SMYD4: variants seen among roughly 807,000 people sequenced by gnomAD.
SMYD4 encodes protein-lysine N-methyltransferase SMYD4.
A neutral mutation model predicts 72.8 loss-of-function variants in SMYD4; 68 were observed. The observed-to-expected ratio is 0.93, with a 90% CI of 0.77 to 1.14. The LOEUF (loss-of-function observed/expected upper bound fraction) is 1.14, where lower values mean the gene tolerates loss of function less well. SMYD4 is among the 50% of genes most tolerant of loss of function. The pLI, the probability that SMYD4 is intolerant of heterozygous loss-of-function variation, is 0.00. For synonymous variants in SMYD4, 407 were observed against 388.6 expected, an observed-to-expected ratio of 1.05 and a Z score of -0.56; for missense variants, 984 against 1,003.7, an observed-to-expected ratio of 0.98 and a Z score of 0.27.
chr17:1,783,240 G>A lies in SMYD4; in HGVS notation c.2138-82C>T, dbSNP rs116051200. The A allele has an allele frequency of 1.8e-3, 2,892 of 1,611,730 alleles. 39 individuals carry two copies. The highest frequency in any genetic ancestry group is 0.011 in the African/African-American group (793 of 74,970). ...TATTTTCAGGGGGAGGAAATGGAAC[G>A]AGAGGGGGAGCACCCTCAGTTTACA... On this transcript the variant is annotated intron_variant, in intron 9 of 10. Coordinates refer to ENST00000305513, the MANE Select transcript of SMYD4 (RefSeq NM_052928.3).
At chr17:1,794,213 C>G (rs1597374511) in intron 5 of SMYD4, among the ~76,000 whole-genome samples, 1 of 136,008 alleles carries the variant, frequency 7.4e-6, no homozygotes, top group East Asian at 2.2e-4. Flanking sequence ...AGGTTCACGC[C>G]AGTCTCCTGC....
At chr17:1,803,118 G>A (rs538185184) in intron 4 of SMYD4, among the ~76,000 whole-genome samples, 2 of 152,314 alleles carry the variant, frequency 1.3e-5, no homozygotes, top group East Asian at 3.9e-4. Flanking sequence ...CTGACGCCTG[G>A]GCGACAGAGC....
At chr17:1,813,057 C>A (rs1470815800) in intron 2 of SMYD4, among the ~76,000 whole-genome samples, 3 of 152,104 alleles carry the variant, frequency 2.0e-5, no homozygotes, top group African/African-American at 7.2e-5. Context: ...TCCTGCCTCA[C>A]CCTCCCGAGT....
intron 3 of SMYD4, among the ~76,000 whole-genome samples, chr17:1,811,120 C>A (rs1910308750): frequency 6.6e-6 from 1 of 152,208 alleles, no homozygotes. Context: ...TAAAAGAGCA[C>A]CCTGTAACAC....
intron 7 of SMYD4, 63 bp downstream of exon 7, chr17:1,786,747 G>C: frequency 9.4e-6 from 15 of 1,599,276 alleles, no homozygotes; most frequent in Non-Finnish European, 1.3e-5. Flanking sequence ...CCTAAACACT[G>C]ATCACCCTTG....
chr17:1,794,077 ATG>A lies in SMYD4; in HGVS notation c.1537+5778_1537+5779del, dbSNP rs1226059890. ...TGTGTGTATATATATGTGTATATAT[ATG>A]TGTATATATATATATATATATATAT... On this transcript the variant is annotated intron_variant, in intron 5 of 10. Transcript: ENST00000305513. Among the ~76,000 whole-genome samples the A allele has an allele frequency of 6.9e-3, 303 of 43,616 alleles. 6 individuals carry two copies. The highest frequency in any genetic ancestry group is 0.012 in the Non-Finnish European group (253 of 21,040). 28.6% of individuals were successfully genotyped at this position (43,616 alleles called of 152,430 possible). A position where few individuals can be genotyped will look rare whatever the true frequency, so the allele number is the denominator to read the frequency against.
At chr17:1,803,658 C>T (rs1909884973) in intron 4 of SMYD4, among the ~76,000 whole-genome samples, 3 of 152,046 alleles carry the variant, frequency 2.0e-5, no homozygotes, top group Non-Finnish European at 4.4e-5. Flanking sequence ...CACCACCCGC[C>T]CAGCTGATTT....
chr17:1,800,859 G>C lies in SMYD4; in HGVS notation c.535C>G (p.Leu179Val), dbSNP rs769202151. ...AGAGTCTGAGGGAGGACATCTGCTAGGGCTGGTGTGGCTGTGAAGTTCCTT... is the reference window on the plus strand; with the variant it reads ...AGAGTCTGAGGGAGGACATCTGCTACGGCTGGTGTGGCTGTGAAGTTCCTT... ...LERNFTATPA[L>V]ADVLPQTLQR... The change falls in exon 5 of 11, where the codon CTA (leucine) becomes GTA (valine). Residue 179 changes from leucine (L) to valine (V), a missense_variant. Coordinates refer to ENST00000305513, the MANE Select transcript of SMYD4 (RefSeq NM_052928.3). 10 of 1,614,194 alleles carry C rather than the reference G, an allele frequency of 6.2e-6. No homozygotes were observed. Among genetic ancestry groups the C allele is most frequent in the Non-Finnish European group, 7.6e-6 (9 of 1,180,042 alleles).
intron 8 of SMYD4, 61 bp downstream of exon 8, chr17:1,784,265 A>T: frequency 1.2e-6 from 2 of 1,607,560 alleles, no homozygotes; most frequent in African/African-American, 1.3e-5. Context: ...TGAGTCCAAA[A>T]CGGTATCAGA....
chr17:1,789,582 G>C (rs1350992609), intron 5 of SMYD4, among the ~76,000 whole-genome samples: 1 of 151,910 alleles, frequency 6.6e-6, no homozygotes, highest in African/African-American at 2.4e-5. Context: ...TGGCCAACAT[G>C]GTGAACCCTC....
chr17:1,803,797 C>G (rs1441370542), intron 4 of SMYD4, among the ~76,000 whole-genome samples: 1 of 151,950 alleles, frequency 6.6e-6, no homozygotes, highest in Non-Finnish European at 1.5e-5. Context: ...CCATGCCTGG[C>G]CCCATAGCTC....
intron 5 of SMYD4, among the ~76,000 whole-genome samples, chr17:1,798,401 C>A (rs1291747888): frequency 6.6e-6 from 1 of 152,116 alleles, no homozygotes; most frequent in Non-Finnish European, 1.5e-5. Flanking sequence ...CTGTGTCAGG[C>A]CTTTTGTGTA....
chr17:1,784,129 G>A (rs1415057618), intron 8 of SMYD4, among the ~76,000 whole-genome samples, 197 bp downstream of exon 8: 1 of 152,206 alleles, frequency 6.6e-6, no homozygotes, highest in Non-Finnish European at 1.5e-5. Flanking sequence ...GAAATCACCT[G>A]GCCCCTTTTC....
chr17:1,794,019 ATG>A (rs1555575666), intron 5 of SMYD4, among the ~76,000 whole-genome samples: 2 of 68,280 alleles, frequency 2.9e-5, no homozygotes, highest in South Asian at 3.9e-4. Flanking sequence ...ATATATATAT[ATG>A]TGTGTATATA....
At position 1,781,293 on chromosome 17, in the gene SMYD4, G is replaced by A. The variant is rs375783027; in HGVS notation, c.2408C>T (p.Ala803Val). 3.1e-6 allele frequency: 5 copies of A among 1,612,812 alleles called. No individual in the cohort carries two copies. The African/African-American group carries it at 6.7e-5, about 22-fold the overall frequency. The change falls in exon 11 of 11, where the codon GCA becomes GTA. Residue 803 changes from alanine to valine, a missense_variant. Ala to Val is a moderately conservative substitution (Grantham distance 64, BLOSUM62 0). Coordinates refer to ENST00000305513, the MANE Select transcript of SMYD4 (RefSeq NM_052928.3). Reference protein sequence around the residue: ...LDLPPTPVGPAL With the variant: ...LDLPPTPVGPVL ...CAAAATCCTCCTGGAACCCTACAAT[G>A]CAGGCCCTACAGGGGTGGGTGGTAA...
intron 10 of SMYD4, 174 bp downstream of exon 10, chr17:1,782,861 G>A (rs919532050): frequency 1.4e-5 from 14 of 1,030,106 alleles, no homozygotes; most frequent in Non-Finnish European, 1.6e-5. Flanking sequence ...CCGCCTCCCA[G>A]GAGGAAATTC....
intron 1 of SMYD4, among the ~76,000 whole-genome samples, chr17:1,828,976 T>C (rs1911367519): frequency 1.2e-5 from 1 of 82,536 alleles, no homozygotes. Flanking sequence ...TTTAACAAGG[T>C]ATTTCCCTCT....
rs2151234314 is a variant in SMYD4, at chr17:1,800,423, T to C, written c.971A>G (p.Gln324Arg). The change falls in exon 5 of 11, where the codon CAG becomes CGG. Residue 324 changes from glutamine to arginine, a missense_variant. By Grantham distance (43) the Gln-to-Arg change is conservative. Transcript: ENST00000305513. ...CCTGTGGTAGAGCTCCCAGGCCTGC[T>C]GCAAACACTCCTGGCTGCAATACTT... ...YAKYCSQECLQQAWELYHRTE... is the reference protein window; with the variant it reads ...YAKYCSQECLRQAWELYHRTE... 1.2e-6 allele frequency: 2 copies of C among 1,614,208 alleles called. No individual in the cohort carries two copies. Among genetic ancestry groups the C allele is most frequent in the South Asian group, 1.1e-5 (1 of 91,086 alleles).
chr17:1,819,749 T>C (rs2151252517), intron 2 of SMYD4, among the ~76,000 whole-genome samples: 1 of 152,322 alleles, frequency 6.6e-6, no homozygotes, highest in South Asian at 2.1e-4. Context: ...TTTACTTGTT[T>C]CATGTGAGCA....
Sources: gnomAD v4.1 joint callset for allele counts (sites outside exome capture counted in the v4.1 genomes callset) on GRCh38, gnomAD v4.1.1 for gene constraint, MANE v1.5 for transcripts, NCBI Gene and HGNC (gene_info 2026-07-23, HGNC 2026-07-21) for gene names.